LEKR1: variants seen among roughly 807,000 people sequenced by gnomAD.
LEKR1 encodes the protein leucine, glutamate and lysine rich 1, also known as protein LEKR1.
Under a neutral mutation model 72.4 loss-of-function variants are expected in LEKR1, and 59 were observed. The observed-to-expected ratio is 0.82, with a 90% CI of 0.66 to 1.01. The LOEUF (loss-of-function observed/expected upper bound fraction) is 1.01, where lower values mean the gene tolerates loss of function less well. Ranked by LOEUF, LEKR1 falls within the 50% of genes least tolerant of loss-of-function variation. The pLI is 0.00. For synonymous variants in LEKR1, 257 were observed against 263.2 expected, an observed-to-expected ratio of 0.98 and a Z score of 0.23; for missense variants, 728 against 759.2, an observed-to-expected ratio of 0.96 and a Z score of 0.48.
At chr3:157,021,758 A>G (rs1398240983) in intron 10 of LEKR1, among the ~76,000 whole-genome samples, 1 of 152,158 alleles carries the variant, frequency 6.6e-6, no homozygotes, top group East Asian at 1.9e-4. Flanking sequence ...GAGCTTCTCA[A>G]AATAGTTTGT....
At chr3:157,020,990 A>G (rs1433413469) in intron 10 of LEKR1, among the ~76,000 whole-genome samples, 9 of 151,740 alleles carry the variant, frequency 5.9e-5, no homozygotes, top group Admixed American at 3.9e-4. Flanking sequence ...GGGAGATGGT[A>G]TCTCATTGTG....
At chr3:156,865,777 G>A (rs185184924) in intron 3 of LEKR1, among the ~76,000 whole-genome samples, 1 of 152,004 alleles carries the variant, frequency 6.6e-6, no homozygotes, top group East Asian at 1.9e-4. Context: ...GTTATCCCTC[G>A]AGCCTCACTC....
At chr3:156,939,653 T>C (rs147521071) in intron 5 of LEKR1, among the ~76,000 whole-genome samples, 237 of 152,322 alleles carry the variant, frequency 1.6e-3, no homozygotes, top group Non-Finnish European at 2.6e-3. Context: ...GAGTAGCAGG[T>C]ATGAGTAAAA....
intron 3 of LEKR1, among the ~76,000 whole-genome samples, chr3:156,914,013 T>C (rs1406547976): frequency 6.6e-6 from 1 of 152,212 alleles, no homozygotes; most frequent in Non-Finnish European, 1.5e-5. Context: ...TCCTAGTCTA[T>C]GTGCTATTTT....
chr3:157,040,662 C>T (rs1560165369), intron 12 of LEKR1, among the ~76,000 whole-genome samples: 1 of 152,232 alleles, frequency 6.6e-6, no homozygotes, highest in South Asian at 2.1e-4. Flanking sequence ...TCCCCACCCA[C>T]CTGGACAGCC....
chr3:156,942,213 C>T (rs1266878902), intron 5 of LEKR1, among the ~76,000 whole-genome samples: 1 of 151,856 alleles, frequency 6.6e-6, no homozygotes, highest in Non-Finnish European at 1.5e-5. Context: ...TTCAATAAAA[C>T]CTATAACATT....
intron 3 of LEKR1, among the ~76,000 whole-genome samples, chr3:156,889,175 G>C (rs911187366): frequency 5.9e-5 from 9 of 151,920 alleles, no homozygotes; most frequent in African/African-American, 2.2e-4. Context: ...TGTAATATTT[G>C]CCTGATGTTA....
chr3:156,835,261 T>C (rs1712953096), intron 2 of LEKR1, among the ~76,000 whole-genome samples: 1 of 152,218 alleles, frequency 6.6e-6, no homozygotes, highest in Non-Finnish European at 1.5e-5. Flanking sequence ...CATTGTATGA[T>C]AATAGTTTCT....
At chr3:156,935,605 A>G (rs1298718620) in intron 5 of LEKR1, among the ~76,000 whole-genome samples, 2 of 152,222 alleles carry the variant, frequency 1.3e-5, no homozygotes, top group Non-Finnish European at 2.9e-5. Context: ...AGAAAAAAAT[A>G]AATTGAATGT....
At chr3:157,006,529 A>G (rs1732452110) in intron 9 of LEKR1, among the ~76,000 whole-genome samples, 1 of 152,242 alleles carries the variant, frequency 6.6e-6, no homozygotes, top group African/African-American at 2.4e-5. Flanking sequence ...ATGAAACCAT[A>G]TATCAATACA....
At chr3:156,912,931 G>A (rs1462018704) in intron 3 of LEKR1, among the ~76,000 whole-genome samples, 3 of 152,178 alleles carry the variant, frequency 2.0e-5, no homozygotes, top group African/African-American at 7.2e-5. Context: ...ACACTCTGAG[G>A]ACTTATAGTT....
chr3:156,979,800 T>C (rs1453208049), intron 7 of LEKR1: 1 of 152,186 alleles, frequency 6.6e-6, no homozygotes, highest in Non-Finnish European at 1.5e-5. Context: ...CACTATTTCT[T>C]TTAAAAATTA....
intron 1 of LEKR1, among the ~76,000 whole-genome samples, chr3:156,828,112 ATAT>A (rs1711877611): frequency 6.6e-6 from 1 of 152,356 alleles, no homozygotes; most frequent in Non-Finnish European, 1.5e-5. Flanking sequence ...CACACATGTC[ATAT>A]TATGTTTTAT....
In LEKR1 at chr3:156,993,297, C is replaced by G. The variant is rs1576964110; in HGVS notation, c.1109+20C>G. The G allele has an allele frequency of 6.7e-7, 1 of 1,486,768 alleles. No homozygotes were observed. Among genetic ancestry groups the G allele is most frequent in the South Asian group, 1.3e-5 (1 of 79,072 alleles). 92.1% of individuals were successfully genotyped at this position (1,486,768 alleles called of 1,614,324 possible). A position where few individuals can be genotyped will look rare whatever the true frequency, so the allele number is the denominator to read the frequency against. ...TGAAAGGTGCAGTAAACAATAATTT[C>G]TTACAAAAACATTTTATGTTTAAGT... is the stretch of plus-strand genomic sequence containing the variant. On this transcript the variant is annotated intron_variant, in intron 9 of 12. Transcript: ENST00000356539.
intron 12 of LEKR1, among the ~76,000 whole-genome samples, chr3:157,044,932 T>C (rs889898163): frequency 1.3e-5 from 2 of 152,240 alleles, no homozygotes; most frequent in Admixed American, 6.5e-5. Flanking sequence ...ATTTAATGAC[T>C]CTACAGCTAT....
At chr3:156,873,868 A>C (rs565697977) in intron 3 of LEKR1, among the ~76,000 whole-genome samples, 1 of 151,968 alleles carries the variant, frequency 6.6e-6, no homozygotes, top group Non-Finnish European at 1.5e-5. Context: ...GAAATCTGCT[A>C]TTAGTTTGAT....
At chr3:156,949,531 C>T (rs1450126016) in intron 6 of LEKR1, among the ~76,000 whole-genome samples, 1 of 151,034 alleles carries the variant, frequency 6.6e-6, no homozygotes, top group Admixed American at 6.6e-5. Flanking sequence ...TGCCTGTTTT[C>T]GTACCAGTAC....
chr3:156,969,942 T>C (rs1729007262), intron 6 of LEKR1, among the ~76,000 whole-genome samples: 1 of 152,200 alleles, frequency 6.6e-6, no homozygotes, highest in Admixed American at 6.5e-5. Flanking sequence ...GTGGGCTTCA[T>C]CCCTGGGATG....
intron 10 of LEKR1, among the ~76,000 whole-genome samples, chr3:157,019,889 T>A (rs1227951347): frequency 6.6e-6 from 1 of 152,176 alleles, no homozygotes; most frequent in Non-Finnish European, 1.5e-5. Context: ...TGCTAACACG[T>A]CAACACATTC....
Sources: gnomAD v4.1 joint callset for allele counts (sites outside exome capture counted in the v4.1 genomes callset) on GRCh38, gnomAD v4.1.1 for gene constraint, MANE v1.5 for transcripts, NCBI Gene and HGNC (gene_info 2026-07-23, HGNC 2026-07-21) for gene names.